Variants in FBXW12 observed in about 807,000 individuals in gnomAD.
The protein encoded by FBXW12 is F-box and WD repeat domain containing 12.
In FBXW12, 43 loss-of-function variants were observed where a neutral mutation model predicts 55.3. That is an observed-to-expected ratio of 0.78 (90% CI 0.61 to 1.00). The LOEUF (loss-of-function observed/expected upper bound fraction) is 1.00, where lower values mean the gene tolerates loss of function less well. Ranked by LOEUF, FBXW12 falls within the 50% of genes least tolerant of loss-of-function variation. The pLI is 0.00. For synonymous variants in FBXW12, 184 were observed against 203.8 expected, an observed-to-expected ratio of 0.90 and a Z score of 0.83; for missense variants, 524 against 560.5, an observed-to-expected ratio of 0.93 and a Z score of 0.66.
chr3:48,380,973 T>A, intron 8 of FBXW12, 61 bp downstream of exon 8: 1 of 1,427,882 alleles, frequency 7.0e-7, no homozygotes, highest in Non-Finnish European at 9.8e-7. Context: ...CATTCGTGTT[T>A]AGCTCTAATA....
Position 48,391,317 on chromosome 3 carries a change from TACACACA to T in FBXW12, c.1296-3242_1296-3236del, listed in dbSNP as rs1314449499. Among the ~76,000 whole-genome samples the T allele has an allele frequency of 6.4e-4, 85 of 133,186 alleles. 1 individual carries two copies. The highest frequency in any genetic ancestry group is 1.6e-3 in the African/African-American group (61 of 37,212). 87.4% of individuals were successfully genotyped at this position (133,186 alleles called of 152,430 possible). On this transcript the variant is annotated intron_variant, in intron 10 of 10. Transcript: ENST00000296438. Reference sequence around the variant, plus strand: ...AAAAAATACATATTATATCTATCTATACACACACACACACACACACACACACACACAC... The same window carrying T: ...AAAAAATACATATTATATCTATCTATCACACACACACACACACACACACAC...
Position 48,381,801 on chromosome 3 carries a change from T to C in FBXW12, c.1087T>C (p.Leu363=). 3.1e-6 allele frequency: 5 copies of C among 1,612,434 alleles called. No homozygotes were observed. The highest frequency in any genetic ancestry group is 1.1e-5 in the South Asian group (1 of 90,906). The change falls in exon 9 of 11, where the codon TTG becomes CTG. Residue 363 remains leucine, a synonymous_variant. Coordinates refer to ENST00000296438, the MANE Select transcript of FBXW12 (RefSeq NM_207102.2). ...YMIVFTSGPY[L]LLFSITGFLL... The stretch of plus-strand genomic sequence containing the variant: ...GATTGTCTTTACCAGTGGACCATAC[T>C]TGTTACTCTTCAGCATCACTGGCTT...
intron 10 of FBXW12, among the ~76,000 whole-genome samples, chr3:48,391,007 T>C (rs1433524340): frequency 1.3e-5 from 2 of 149,978 alleles, no homozygotes; most frequent in African/African-American, 4.9e-5. Context: ...TAGTGGCTCA[T>C]GCCTGTATTC....
chr3:48,378,345 A>G lies in FBXW12; in HGVS notation c.434A>G (p.Gln145Arg), dbSNP rs574249673. Residue 145 changes from glutamine to arginine, a missense_variant, in exon 6 of 11, where the codon CAG becomes CGG. Physicochemically the swap from Gln to Arg is conservative, Grantham distance 43. Transcript: ENST00000296438. Reference sequence around the variant, plus strand: ...ACCATGATCTGGTCAAGCCCAGTCCAGGAGTTCCATTTCTCAAATCTGGTA... The same window carrying G: ...ACCATGATCTGGTCAAGCCCAGTCCGGGAGTTCCATTTCTCAAATCTGGTA... ...EGTMIWSSPV[Q>R]EFHFSNLVTL... 9.3e-6 allele frequency: 15 copies of G among 1,613,970 alleles called. No individual in the cohort carries two copies. Among genetic ancestry groups the G allele is most frequent in the Middle Eastern group, 1.6e-4 (1 of 6,084 alleles).
intron 10 of FBXW12, among the ~76,000 whole-genome samples, chr3:48,387,618 G>C (rs1319984036): frequency 6.6e-6 from 1 of 152,072 alleles, no homozygotes; most frequent in Non-Finnish European, 1.5e-5. Context: ...TGTTATGTCA[G>C]CTCACTACAA....
intron 7 of FBXW12, 91 bp downstream of exon 7, chr3:48,379,649 C>A (rs1466757533): frequency 3.0e-6 from 3 of 1,010,796 alleles, no homozygotes; most frequent in African/African-American, 3.2e-5. Context: ...GAGGACCAGG[C>A]ACACTGCTCC....
In FBXW12 at chr3:48,372,705, C is replaced by CT; in HGVS notation, c.-62dup. ...CAAGTGCTGCAGACTTTGGCAAAGC[C>CT]TATAAATTCAGAGCAGCCCGGAGAG... is the stretch of plus-strand genomic sequence containing the variant. On this transcript the variant is annotated 5_prime_UTR_variant, in exon 2 of 11. An upstream open reading frame in the 5' UTR loses its in-frame stop. Transcript: ENST00000296438. 6.2e-7 allele frequency: 1 copy of CT among 1,613,262 alleles called. No homozygotes were observed.
At chr3:48,393,437 T>C (rs925915694) in intron 10 of FBXW12, among the ~76,000 whole-genome samples, 3 of 152,058 alleles carry the variant, frequency 2.0e-5, no homozygotes, top group African/African-American at 7.2e-5. Context: ...GTCAACAGGG[T>C]ACTAACCCTA....
At chr3:48,391,143 G>T (rs1054728312) in intron 10 of FBXW12, among the ~76,000 whole-genome samples, 3 of 148,052 alleles carry the variant, frequency 2.0e-5, no homozygotes, top group Non-Finnish European at 1.5e-5. Flanking sequence ...AAATAGCCAG[G>T]CATGGTGGTG....
At chr3:48,382,232 T>G in intron 10 of FBXW12, 147 bp downstream of exon 10, 1 of 884,220 alleles carries the variant, frequency 1.1e-6, no homozygotes. Context: ...TTCTCCTGCT[T>G]CAGCCTCCCA....
chr3:48,391,154 T>G (rs945837305), intron 10 of FBXW12, among the ~76,000 whole-genome samples: 3 of 146,236 alleles, frequency 2.1e-5, no homozygotes, highest in African/African-American at 5.0e-5. Flanking sequence ...CATGGTGGTG[T>G]GCACTGGTGG....
intron 7 of FBXW12, 111 bp from the exon 8 acceptor site, chr3:48,380,591 A>G (rs886736690): frequency 2.6e-6 from 2 of 778,322 alleles, no homozygotes; most frequent in Non-Finnish European, 4.4e-6. Flanking sequence ...GATATTGAAC[A>G]AAGCTTTGGC....
In FBXW12 at chr3:48,383,701, G is replaced by C. The variant is rs77400828; in HGVS notation, c.1295+1616G>C. Reference sequence around the variant, plus strand: ...TTCCTCTAAAAGTTTTACAGTTTAGGGTTTTACATTTAGGTCTCTGATGTA... The same window carrying C: ...TTCCTCTAAAAGTTTTACAGTTTAGCGTTTTACATTTAGGTCTCTGATGTA... On this transcript the variant is annotated intron_variant, in intron 10 of 10. Transcript: ENST00000296438. Among the ~76,000 whole-genome samples, 398 of 152,178 alleles carry C rather than the reference G, an allele frequency of 2.6e-3. 3 individuals carry two copies. Among genetic ancestry groups the C allele is most frequent in the African/African-American group, 8.9e-3 (370 of 41,530 alleles).
Position 48,373,585 on chromosome 3 carries a change from A to C in FBXW12, c.166A>C (p.Thr56Pro). The C allele has an allele frequency of 6.2e-7, 1 of 1,614,066 alleles. No individual in the cohort carries two copies. Among genetic ancestry groups the C allele is most frequent in the Non-Finnish European group, 8.5e-7 (1 of 1,180,004 alleles). ...SLQRWDCSNFTNQHLGTHTWK... is the reference protein window; with the variant it reads ...SLQRWDCSNFPNQHLGTHTWK... ...GCAGAGATGGGACTGCAGCAACTTC[A>C]CCAATCAACACCTGGGCACACACAC... Residue 56 changes from threonine to proline, a missense_variant, in exon 4 of 11, where the codon ACC becomes CCC. Thr to Pro is a conservative substitution (Grantham distance 38). Coordinates refer to ENST00000296438, the MANE Select transcript of FBXW12 (RefSeq NM_207102.2).
chr3:48,377,062 A>G (rs1043463787), intron 5 of FBXW12, among the ~76,000 whole-genome samples: 1 of 152,232 alleles, frequency 6.6e-6, no homozygotes, highest in Non-Finnish European at 1.5e-5. Context: ...ATGAGAGCCT[A>G]GATTCTGCAA....
chr3:48,376,680 G>A (rs997727188), intron 5 of FBXW12, among the ~76,000 whole-genome samples: 8 of 152,158 alleles, frequency 5.3e-5, no homozygotes, highest in Admixed American at 3.3e-4. Context: ...TTACAGGCAG[G>A]AAGCAGACTA....
intron 5 of FBXW12, among the ~76,000 whole-genome samples, chr3:48,375,781 TCTC>T (rs911249542): frequency 4.0e-5 from 6 of 151,764 alleles, no homozygotes; most frequent in African/African-American, 1.2e-4. Context: ...TTCACGCCAT[TCTC>T]CTGCTTCAGC....
At chr3:48,382,652 T>C (rs2036794961) in intron 10 of FBXW12, among the ~76,000 whole-genome samples, 1 of 152,154 alleles carries the variant, frequency 6.6e-6, no homozygotes, top group African/African-American at 2.4e-5. Context: ...GTTGTACCTT[T>C]TGTGAGTTCA....
intron 10 of FBXW12, among the ~76,000 whole-genome samples, chr3:48,385,989 T>C (rs1022481746): frequency 3.3e-5 from 5 of 152,248 alleles, no homozygotes; most frequent in Non-Finnish European, 7.3e-5. Flanking sequence ...CTTTCTTTCC[T>C]GTGCAGAAAC....
Sources: allele counts gnomAD v4.1 joint callset (sites outside exome capture counted in the v4.1 genomes callset), GRCh38; gene constraint gnomAD v4.1.1; transcripts MANE v1.5; gene names NCBI Gene and HGNC (gene_info 2026-07-23, HGNC 2026-07-21).